The following ASTN2 variants were observed in gnomAD, a reference collection of about 807,000 sequenced individuals.
ASTN2 encodes astrotactin-2.
ASTN2 carries 54 observed loss-of-function variants against 139.8 expected under a neutral mutation model. The observed-to-expected ratio is 0.39, with a 90% confidence interval of 0.31 to 0.48. The LOEUF (loss-of-function observed/expected upper bound fraction) is 0.48. Among genes scored for constraint, ASTN2 ranks in the 20% least tolerant of loss-of-function variants. ASTN2 has a pLI of 0.95. For missense variants in ASTN2, 1,565 were observed against 1,725.1 expected, an observed-to-expected ratio of 0.91 and a Z score of 1.64; for synonymous variants, 756 against 719.5, an observed-to-expected ratio of 1.05 and a Z score of -0.81.
At chr9:116,589,487 G>C (rs1854292633) in intron 19 of ASTN2, among the ~76,000 whole-genome samples, 1 of 152,190 alleles carries the variant, frequency 6.6e-6, no homozygotes, top group Non-Finnish European at 1.5e-5. Flanking sequence ...TGTGGAGAGA[G>C]AAGGGAGAAA....
chr9:116,481,740 T>G (rs1849175158), intron 20 of ASTN2, among the ~76,000 whole-genome samples: 1 of 152,198 alleles, frequency 6.6e-6, no homozygotes. Flanking sequence ...GGATGAGGTG[T>G]GAAGTACCCC....
intron 1 of ASTN2, among the ~76,000 whole-genome samples, chr9:117,360,239 T>G (rs1382300614): frequency 1.3e-5 from 2 of 152,190 alleles, no homozygotes; most frequent in Non-Finnish European, 2.9e-5. Context: ...AAAACAAGAA[T>G]GTCACAATCC....
intron 10 of ASTN2, among the ~76,000 whole-genome samples, chr9:116,928,929 A>G (rs796712996): frequency 2.6e-5 from 4 of 152,362 alleles, no homozygotes; most frequent in African/African-American, 9.6e-5. Context: ...CACTGGAAGC[A>G]CAGAGAGGTG....
At chr9:116,799,669 T>A (rs1253602970) in intron 13 of ASTN2, among the ~76,000 whole-genome samples, 1 of 144,340 alleles carries the variant, frequency 6.9e-6, no homozygotes, top group Non-Finnish European at 1.5e-5. Flanking sequence ...CCTTTCTTCC[T>A]TATAGGAATG....
At chr9:116,509,272 C>A (rs1329234396) in intron 19 of ASTN2, among the ~76,000 whole-genome samples, 4 of 152,004 alleles carry the variant, frequency 2.6e-5, no homozygotes, top group Non-Finnish European at 4.4e-5. Context: ...GGTTTTTTGT[C>A]TTTGTGATAG....
At chr9:116,527,019 A>G (rs1851123039) in intron 19 of ASTN2, among the ~76,000 whole-genome samples, 2 of 152,204 alleles carry the variant, frequency 1.3e-5, no homozygotes, top group South Asian at 2.1e-4. Context: ...TTGGACTCTC[A>G]CATCATGTAC....
At chr9:116,868,888 T>G (rs1235783859) in intron 10 of ASTN2, among the ~76,000 whole-genome samples, 1 of 152,166 alleles carries the variant, frequency 6.6e-6, no homozygotes, top group African/African-American at 2.4e-5. Context: ...GTCCTCTCCT[T>G]TTTTTAAAAT....
intron 20 of ASTN2, among the ~76,000 whole-genome samples, chr9:116,460,000 C>T (rs1321198357): frequency 6.6e-6 from 1 of 152,018 alleles, no homozygotes; most frequent in Non-Finnish European, 1.5e-5. Flanking sequence ...TGAAAAATGA[C>T]CCAATATCCA....
At chr9:117,352,041 C>T (rs7871617) in intron 1 of ASTN2, among the ~76,000 whole-genome samples, 130,668 of 152,210 alleles carry the variant, frequency 0.86, 56,305 homozygotes, top group East Asian at 0.99. Context: ...GAAGATTTCC[C>T]AACATTTGAG....
chr9:117,008,375 G>T (rs1837421229), intron 6 of ASTN2, 116 bp from the exon 7 acceptor site: 1 of 924,214 alleles, frequency 1.1e-6, no homozygotes, highest in Non-Finnish European at 1.5e-6. Flanking sequence ...GATCTCATTT[G>T]TCTAAGTGCA....
At chr9:117,096,173 CAGTT>C (rs759361056) in intron 4 of ASTN2, 22 bp from the exon 5 acceptor site, 2 of 1,595,172 alleles carry the variant, frequency 1.3e-6, no homozygotes, top group South Asian at 1.1e-5. Flanking sequence ...CACAGTCTAT[CAGTT>C]AGTCTCCCAG....
intron 20 of ASTN2, among the ~76,000 whole-genome samples, chr9:116,471,090 G>T (rs551901531): frequency 6.6e-6 from 1 of 152,266 alleles, no homozygotes; most frequent in East Asian, 1.9e-4. Flanking sequence ...CAAAATTGCT[G>T]TTTACTTATC....
intron 19 of ASTN2, among the ~76,000 whole-genome samples, chr9:116,572,797 C>G (rs1213478870): frequency 1.3e-5 from 2 of 152,116 alleles, no homozygotes; most frequent in African/African-American, 4.8e-5. Context: ...AGGTGGAGAC[C>G]CAAGGGTTCC....
At position 117,160,022 on chromosome 9, in the gene ASTN2, A is replaced by G. The variant is rs1830512482; in HGVS notation, c.1016-18544T>C. On this transcript the variant is annotated intron_variant, in intron 3 of 22. Transcript: ENST00000313400. ...ATATTCCCACAAAGATATGAAAGTC[A>G]CAAGAAGGATACTCCACTATGAAAA... Among the ~76,000 whole-genome samples, 4 of 152,028 alleles carry G rather than the reference A, an allele frequency of 2.6e-5. 1 individual carries two copies. Among genetic ancestry groups the G allele is most frequent in the Admixed American group, 2.6e-4 (4 of 15,246 alleles).
At chr9:116,587,656 T>G (rs1332229168) in intron 19 of ASTN2, among the ~76,000 whole-genome samples, 3 of 152,174 alleles carry the variant, frequency 2.0e-5, no homozygotes, top group Non-Finnish European at 4.4e-5. Flanking sequence ...GAATCCTTAG[T>G]GGTTACATCC....
In ASTN2 at chr9:117,218,805, C is replaced by G. The variant is rs79187155; in HGVS notation, c.631-4063G>C. Among the ~76,000 whole-genome samples, 1,345 of 152,276 alleles carry G rather than the reference C, an allele frequency of 8.8e-3. 24 individuals carry two copies. The highest frequency in any genetic ancestry group is 0.031 in the African/African-American group (1,282 of 41,548). On this transcript the variant is annotated intron_variant, in intron 2 of 22. Coordinates refer to ENST00000313400, the MANE Select transcript of ASTN2 (RefSeq NM_001365068.1). ...GGAGTCAGAAACACAAGGTTGAAAT[C>G]TAATGCTGCACATATAAGCTGGGCT...
At chr9:116,887,190 G>GA (rs2132381545) in intron 10 of ASTN2, among the ~76,000 whole-genome samples, 4 of 152,140 alleles carry the variant, frequency 2.6e-5, no homozygotes, top group South Asian at 4.2e-4. Flanking sequence ...AAACTTACAT[G>GA]GCAAATTCAA....
At chr9:116,811,307 C>T (rs1293343259) in intron 12 of ASTN2, among the ~76,000 whole-genome samples, 1 of 152,198 alleles carries the variant, frequency 6.6e-6, no homozygotes, top group Admixed American at 6.5e-5. Context: ...GCTTTGCCCA[C>T]ACCCCATAAG....
At chr9:116,622,844 C>T (rs1268260432) in intron 17 of ASTN2, among the ~76,000 whole-genome samples, 6 of 152,228 alleles carry the variant, frequency 3.9e-5, no homozygotes, top group African/African-American at 1.4e-4. Context: ...GGTGCCAGAA[C>T]CTATGCTAAG....
Sources: gnomAD v4.1 joint callset for allele counts (sites outside exome capture counted in the v4.1 genomes callset) on GRCh38, gnomAD v4.1.1 for gene constraint, MANE v1.5 for transcripts, NCBI Gene and HGNC (gene_info 2026-07-23, HGNC 2026-07-21) for gene names.